Variants in CYGB observed in about 807,000 individuals in gnomAD.
CYGB encodes the protein histoglobin.
CYGB carries 13 observed loss-of-function variants against 20.7 expected under a neutral mutation model. The observed-to-expected ratio is 0.63, with a 90% CI of 0.41 to 1.00. The LOEUF is 1.00. Among genes scored for constraint, CYGB ranks in the 50% least tolerant of loss-of-function variants. CYGB has a pLI of 0.00. For missense variants in CYGB, 218 were observed against 257.2 expected, an observed-to-expected ratio of 0.85 and a Z score of 1.04; for synonymous variants, 93 against 107.4, an observed-to-expected ratio of 0.87 and a Z score of 0.83.
chr17:76,537,368 C>T (rs747878066), intron 1 of CYGB, 32 bp downstream of exon 1: 50 of 1,565,294 alleles, frequency 3.2e-5, no homozygotes, highest in East Asian at 5.1e-5. Context: ...GCCCTCCCTG[C>T]CCAGGGCCCG....
Position 76,528,593 on chromosome 17 carries a change from G to A in CYGB, c.558C>T (p.Pro186=), listed in dbSNP as rs1434579018. 7.8e-7 allele frequency: 1 copy of A among 1,286,534 alleles called. No individual in the cohort carries two copies. The allele number at this position is 1,286,534 out of a possible 1,614,324, so 79.7% of individuals were successfully genotyped here. Residue 186 remains proline (P), a synonymous_variant, in exon 4 of 4, where the codon CCC becomes CCT. Coordinates refer to ENST00000293230, the MANE Select transcript of CYGB (RefSeq NM_134268.5). The surrounding 1 kb of genome is among the most constrained non-coding windows in gnomAD (Gnocchi z 5.8). ...PNATTPPATL[P]SSGP ...GTTAGGGGTCCTACGGCCCCGAAGAGGGCAGTGTGGCCGGTGGGCTGTGGA... is the reference window on the plus strand; with the variant it reads ...GTTAGGGGTCCTACGGCCCCGAAGAAGGCAGTGTGGCCGGTGGGCTGTGGA...
intron 1 of CYGB, among the ~76,000 whole-genome samples, chr17:76,534,174 C>CTCTCTCTCTCTCTT (rs1567907867): frequency 1.9e-5 from 2 of 106,070 alleles, no homozygotes; most frequent in Non-Finnish European, 4.0e-5. Context: ...CTCTCTCTCT[C>CTCTCTCTCTCTCTT]TCTTTCTTTC....
At chr17:76,534,146 T>TTCTCTCTCTCTCTCTC (rs71158013) in intron 1 of CYGB, among the ~76,000 whole-genome samples, 2,133 of 128,798 alleles carry the variant, frequency 0.017, 32 homozygotes, top group Non-Finnish European at 0.024. Context: ...CTCTTTCTCT[T>TTCTCTCTCTCTCTCTC]TCTCTCTCTC....
intron 3 of CYGB, chr17:76,529,547 T>C: frequency 1.0e-6 from 1 of 985,226 alleles, no homozygotes; most frequent in Non-Finnish European, 1.2e-6. Context: ...CAGTCTCTCT[T>C]GGCCCTTGTA....
At chr17:76,542,581 A>G (rs764664394), upstream of CYGB, 34 of 1,613,834 alleles carry the variant, frequency 2.1e-5, no homozygotes, top group Non-Finnish European at 2.6e-5. Context: ...GTAAGCCCTC[A>G]CCTCTGCAGG....
chr17:76,540,527 G>C, upstream of CYGB: 1 of 1,613,684 alleles, frequency 6.2e-7, no homozygotes, highest in South Asian at 1.1e-5. The surrounding 1 kb of genome is among the most constrained non-coding windows in gnomAD (Gnocchi z 5.0). Flanking sequence ...CGTGGATGGG[G>C]CAGCTAGGGG....
chr17:76,537,841 A>C (rs1325815497), upstream of CYGB: 39 of 152,218 alleles, frequency 2.6e-4, 1 homozygote, highest in Admixed American at 2.6e-3. Context: ...CGTGTGGGTA[A>C]GAGCCAATGC....
intron 1 of CYGB, among the ~76,000 whole-genome samples, chr17:76,532,867 C>T (rs1355662102): frequency 6.6e-6 from 1 of 152,166 alleles, no homozygotes; most frequent in Non-Finnish European, 1.5e-5. Flanking sequence ...CCCTCCCTGT[C>T]GGGGCTGGAT....
intron 1 of CYGB, chr17:76,544,406 G>T (rs1424257216): frequency 2.2e-6 from 1 of 454,942 alleles, no homozygotes; most frequent in Non-Finnish European, 4.4e-6. Context: ...AACCGCTGGG[G>T]AGGCGCTCAG....
chr17:76,539,988 C>G, upstream of CYGB: 1 of 763,726 alleles, frequency 1.3e-6, no homozygotes, highest in South Asian at 1.7e-5. Flanking sequence ...GTCGGGGCCG[C>G]TGACCCACTA....
At chr17:76,540,374 G>A, upstream of CYGB, 1 of 1,296,660 alleles carries the variant, frequency 7.7e-7, no homozygotes, top group South Asian at 1.2e-5. The surrounding 1 kb of genome is among the most constrained non-coding windows in gnomAD (Gnocchi z 5.0). Flanking sequence ...CTCAGAGCAG[G>A]GGGACTTAGA....
chr17:76,544,921 A>T, intron 1 of CYGB: 2 of 456,756 alleles, frequency 4.4e-6, no homozygotes, highest in South Asian at 3.1e-5. Flanking sequence ...GAACCTGCGC[A>T]GGAGGTGGTG....
Position 76,531,211 on chromosome 17 carries a change from C to T in CYGB, c.376-69G>A. 1 of 1,506,860 alleles carries T rather than the reference C, an allele frequency of 6.6e-7. No individual in the cohort carries two copies. The highest frequency in any genetic ancestry group is 9.1e-7 in the Non-Finnish European group (1 of 1,102,712). The allele number at this position is 1,506,860 out of a possible 1,614,324, so 93.3% of individuals were successfully genotyped here. A position where few individuals can be genotyped will look rare whatever the true frequency, so the allele number is the denominator to read the frequency against. ...TGCGTCCTGCAACCCCCAGGCCCCT[C>T]CGCCCCACGTGTGGCCGAGAGGATC... On this transcript the variant is annotated intron_variant, in intron 2 of 3. Transcript: ENST00000293230. The surrounding 1 kb of genome is among the most constrained non-coding windows in gnomAD (Gnocchi z 7.4).
At chr17:76,543,742 G>T (rs375538145) in intron 1 of CYGB, 1 of 469,282 alleles carries the variant, frequency 2.1e-6, no homozygotes, top group Non-Finnish European at 4.4e-6. Context: ...CTTGTGGTCC[G>T]AGGTGCTGGT....
rs2074782823 is a variant in CYGB, at chr17:76,527,615, A to G, written c.*963T>C. 4.4e-6 allele frequency: 2 copies of G among 452,936 alleles called. No homozygotes were observed. The highest frequency in any genetic ancestry group is 3.1e-5 in the South Asian group (2 of 64,428). 28.1% of individuals were successfully genotyped at this position (452,936 alleles called of 1,614,324 possible). On this transcript the variant is annotated 3_prime_UTR_variant, in exon 4 of 4. Coordinates refer to ENST00000293230, the MANE Select transcript of CYGB (RefSeq NM_134268.5). ...ACAGGGCCGACTGCCGGCCAGGAGG[A>G]GGGTGGGGTGGGGAAAGCCCTCGGC... is the stretch of plus-strand genomic sequence containing the variant.
upstream of CYGB, among the ~76,000 whole-genome samples, chr17:76,541,605 G>A (rs1420806747): frequency 6.6e-6 from 1 of 152,214 alleles, no homozygotes; most frequent in Non-Finnish European, 1.5e-5. Context: ...CCCTGGGCCT[G>A]TACAGGAAGC....
At position 76,527,775 on chromosome 17, in the gene CYGB, C is replaced by T; in HGVS notation, c.*803G>A. 2.2e-6 allele frequency: 1 copy of T among 454,026 alleles called. No homozygotes were observed. Among genetic ancestry groups the T allele is most frequent in the Non-Finnish European group, 4.4e-6 (1 of 226,724 alleles). The allele number at this position is 454,026 out of a possible 1,614,324, so 28.1% of individuals were successfully genotyped here. ...GAGGTTTCTGGACTGAGGCCCCTCC[C>T]CCAGTGCGGTCATCCCACCCAGAAC... On this transcript the variant is annotated 3_prime_UTR_variant, in exon 4 of 4. Transcript: ENST00000293230.
chr17:76,540,262 G>GGCAT, upstream of CYGB: 1 of 738,400 alleles, frequency 1.4e-6, no homozygotes, highest in Non-Finnish European at 2.3e-6. The surrounding 1 kb of genome is among the most constrained non-coding windows in gnomAD (Gnocchi z 5.0). Flanking sequence ...GGGGGGGGGG[G>GGCAT]GCATGGGGCT....
At chr17:76,529,805 C>T (rs1302726156) in intron 3 of CYGB, 1 of 985,242 alleles carries the variant, frequency 1.0e-6, no homozygotes, top group Non-Finnish European at 1.2e-6. Flanking sequence ...CCCATTGACT[C>T]CCAGGTCTCA....
Sources: allele counts gnomAD v4.1 joint callset (sites outside exome capture counted in the v4.1 genomes callset), GRCh38; gene constraint gnomAD v4.1.1; non-coding constraint Gnocchi (gnomAD v3.1); transcripts MANE v1.5; gene names NCBI Gene and HGNC (gene_info 2026-07-23, HGNC 2026-07-21).